Variants in ITGA8 observed in about 807,000 individuals in gnomAD.
ITGA8 encodes the protein integrin subunit alpha 8.
Under a neutral mutation model 142.3 loss-of-function variants are expected in ITGA8, and 91 were observed. That is an observed-to-expected ratio of 0.64 (90% CI 0.54 to 0.76). The LOEUF is 0.76. Among genes scored for constraint, ITGA8 ranks in the 30% least tolerant of loss-of-function variants. ITGA8 has a pLI of 0.00. For missense variants in ITGA8, 1,406 were observed against 1,327.7 expected, an observed-to-expected ratio of 1.06 and a Z score of -0.92; for synonymous variants, 505 against 485.2, an observed-to-expected ratio of 1.04 and a Z score of -0.54.
intron 13 of ITGA8, among the ~76,000 whole-genome samples, chr10:15,642,420 A>G (rs1410464926): frequency 2.0e-5 from 3 of 152,200 alleles, no homozygotes; most frequent in Non-Finnish European, 2.9e-5. Flanking sequence ...AAGGAGACCT[A>G]TGACTACCAT....
intron 23 of ITGA8, among the ~76,000 whole-genome samples, chr10:15,580,126 T>TAAAAAAAAA (rs35286236): frequency 9.2e-5 from 10 of 108,896 alleles, no homozygotes; most frequent in African/African-American, 1.4e-4. Flanking sequence ...TCAGAAAATG[T>TAAAAAAAAA]AAAAAAAAAA....
chr10:15,535,693 T>G (rs1279706447), intron 27 of ITGA8, among the ~76,000 whole-genome samples: 2 of 152,136 alleles, frequency 1.3e-5, no homozygotes, highest in Non-Finnish European at 2.9e-5. Flanking sequence ...AACAGACCAC[T>G]GGGCTCTCTG....
At chr10:15,664,751 G>A (rs955929000) in intron 8 of ITGA8, among the ~76,000 whole-genome samples, 1 of 146,162 alleles carries the variant, frequency 6.8e-6, no homozygotes, top group African/African-American at 2.5e-5. Flanking sequence ...CCACCTATGA[G>A]TGAGAACATG....
At chr10:15,699,588 T>C (rs1157299025) in intron 2 of ITGA8, among the ~76,000 whole-genome samples, 1 of 152,208 alleles carries the variant, frequency 6.6e-6, no homozygotes, top group African/African-American at 2.4e-5. Context: ...TATGAACATT[T>C]GTGGGTTTTT....
chr10:15,521,020 T>C (rs1178389694), intron 28 of ITGA8, among the ~76,000 whole-genome samples: 2 of 152,154 alleles, frequency 1.3e-5, no homozygotes, highest in Admixed American at 6.5e-5. Flanking sequence ...TTTGTGTATT[T>C]GTTTCTTTGT....
At chr10:15,668,717 G>A (rs1834447567) in intron 8 of ITGA8, among the ~76,000 whole-genome samples, 1 of 152,026 alleles carries the variant, frequency 6.6e-6, no homozygotes, top group Non-Finnish European at 1.5e-5. Context: ...CAGGCCTGGT[G>A]GTGACAAAAT....
intron 26 of ITGA8, among the ~76,000 whole-genome samples, chr10:15,555,844 C>T (rs1407723140): frequency 6.6e-6 from 1 of 151,196 alleles, no homozygotes; most frequent in Admixed American, 6.6e-5. Context: ...TACAGGCACC[C>T]ACCACCACGC....
intron 28 of ITGA8, among the ~76,000 whole-genome samples, chr10:15,526,652 G>T (rs1048344534): frequency 6.6e-6 from 1 of 152,182 alleles, no homozygotes; most frequent in African/African-American, 2.4e-5. Flanking sequence ...ATTCAATCTT[G>T]TGCCAGCTAG....
chr10:15,561,237 A>ATATATATG (rs1238827908), intron 25 of ITGA8, among the ~76,000 whole-genome samples: 179 of 78,842 alleles, frequency 2.3e-3, no homozygotes, highest in African/African-American at 0.015. Flanking sequence ...ATATATATGT[A>ATATATATG]TATATATATA....
At chr10:15,575,667 C>T (rs1007298426) in intron 23 of ITGA8, 73 bp from the exon 24 acceptor site, 51 of 1,157,536 alleles carry the variant, frequency 4.4e-5, no homozygotes, top group Non-Finnish European at 6.3e-5. Flanking sequence ...GGACAGTATA[C>T]TAACAGAAGC....
intron 19 of ITGA8, among the ~76,000 whole-genome samples, chr10:15,605,444 C>A (rs1026086965): frequency 6.6e-6 from 1 of 151,752 alleles, no homozygotes; most frequent in Non-Finnish European, 1.5e-5. Flanking sequence ...ATAACCCGAG[C>A]CACCCCATCA....
At chr10:15,538,512 G>GAAAAAAAAA (rs71374631) in intron 27 of ITGA8, among the ~76,000 whole-genome samples, 3 of 98,586 alleles carry the variant, frequency 3.0e-5, no homozygotes, top group Non-Finnish European at 5.6e-5. Flanking sequence ...ACTCCGTCTC[G>GAAAAAAAAA]AAAAAAAAAA....
At chr10:15,645,667 G>A (rs1359265392) in intron 12 of ITGA8, among the ~76,000 whole-genome samples, 1 of 152,144 alleles carries the variant, frequency 6.6e-6, no homozygotes, top group East Asian at 1.9e-4. Context: ...CTAATCTGAT[G>A]TGAATACTTC....
At chr10:15,699,518 T>C (rs184539776) in intron 2 of ITGA8, among the ~76,000 whole-genome samples, 9 of 152,342 alleles carry the variant, frequency 5.9e-5, no homozygotes, top group Non-Finnish European at 1.3e-4. Flanking sequence ...TTTTAACTCC[T>C]GTATAGCATT....
intron 13 of ITGA8, among the ~76,000 whole-genome samples, chr10:15,633,512 C>T (rs1172840519): frequency 1.3e-5 from 2 of 152,166 alleles, no homozygotes; most frequent in African/African-American, 4.8e-5. Context: ...CAGCTCACTG[C>T]AACCTCCGCC....
intron 4 of ITGA8, among the ~76,000 whole-genome samples, chr10:15,679,153 C>T (rs1834689538): frequency 6.6e-6 from 1 of 152,148 alleles, no homozygotes; most frequent in Non-Finnish European, 1.5e-5. Context: ...TGTGTGAAGG[C>T]AGATAGGTCT....
intron 21 of ITGA8, 26 bp downstream of exon 21, chr10:15,597,181 A>T: frequency 6.4e-7 from 1 of 1,552,748 alleles, no homozygotes; most frequent in Non-Finnish European, 8.9e-7. Context: ...GAAGGAAATC[A>T]GTCAGTATTT....
In ITGA8 at chr10:15,590,621, C is replaced by T. The variant is rs186381194; in HGVS notation, c.2291+1604G>A. 7.9e-5 allele frequency among the ~76,000 whole-genome samples: 12 copies of T among 152,106 alleles called. No homozygotes were observed. In the East Asian group the frequency reaches 1.4e-3, roughly 17 times the overall value. ...GAGGGATGGTGGTCCTTTGCCATGA[C>T]GTGTTTTGTTTGTTTTTGTTTTTTT... On this transcript the variant is annotated intron_variant, in intron 22 of 29. Transcript: ENST00000378076.
chr10:15,577,592 C>G (rs1478738036), intron 23 of ITGA8, among the ~76,000 whole-genome samples: 3 of 152,000 alleles, frequency 2.0e-5, no homozygotes, highest in African/African-American at 7.2e-5. Context: ...AAGCATGGCT[C>G]ACAAAATTCA....
Sources: gnomAD v4.1 joint callset for allele counts (sites outside exome capture counted in the v4.1 genomes callset) on GRCh38, gnomAD v4.1.1 for gene constraint, MANE v1.5 for transcripts, NCBI Gene and HGNC (gene_info 2026-07-23, HGNC 2026-07-21) for gene names.